Variants in PLAAT3 observed in about 807,000 individuals in gnomAD.
The protein encoded by PLAAT3 is phospholipase A and acyltransferase 3.
A neutral mutation model predicts 16.7 loss-of-function variants in PLAAT3; 21 were observed. The observed-to-expected ratio is 1.26, with a 90% CI of 0.89 to 1.81. PLAAT3 has a LOEUF of 1.81. PLAAT3 is among the 40% of genes most tolerant of loss of function. The pLI is 0.00. For missense variants in PLAAT3, 219 were observed against 213.7 expected, an observed-to-expected ratio of 1.02 and a Z score of -0.16; for synonymous variants, 76 against 81.7, an observed-to-expected ratio of 0.93 and a Z score of 0.38.
At chr11:63,583,104 T>C (rs1417291014) in intron 4 of PLAAT3, among the ~76,000 whole-genome samples, 1 of 152,064 alleles carries the variant, frequency 6.6e-6, no homozygotes, top group Non-Finnish European at 1.5e-5. Flanking sequence ...CACTCCAGCC[T>C]GGGTGACAGA....
chr11:63,608,770 G>T (rs1443991004), intron 2 of PLAAT3, among the ~76,000 whole-genome samples: 2 of 152,148 alleles, frequency 1.3e-5, no homozygotes, highest in Non-Finnish European at 2.9e-5. Context: ...AAATCAAGAT[G>T]AATTTAATTT....
chr11:63,592,573 A>T (rs1161860224), intron 3 of PLAAT3, among the ~76,000 whole-genome samples: 3 of 152,176 alleles, frequency 2.0e-5, no homozygotes, highest in African/African-American at 7.2e-5. Flanking sequence ...CAGCGACTGA[A>T]TTTTGGGATA....
chr11:63,576,920 C>T (rs1307093081), intron 4 of PLAAT3, among the ~76,000 whole-genome samples: 1 of 151,908 alleles, frequency 6.6e-6, no homozygotes, highest in Non-Finnish European at 1.5e-5. Flanking sequence ...TGTAATTTCT[C>T]TTGGAAAAAA....
chr11:63,615,248 G>T (rs58748864), upstream of PLAAT3, among the ~76,000 whole-genome samples: 494 of 26,704 alleles, frequency 0.018, 122 homozygotes, highest in African/African-American at 0.044. Flanking sequence ...GTGTATATAT[G>T]TGTGTGTATA....
intron 2 of PLAAT3, among the ~76,000 whole-genome samples, chr11:63,599,955 G>C (rs1380281307): frequency 6.6e-6 from 1 of 152,138 alleles, no homozygotes; most frequent in East Asian, 1.9e-4. Flanking sequence ...ACACCAATGA[G>C]AGGAGCCCTC....
In PLAAT3 at chr11:63,590,363, C is replaced by A; in HGVS notation, c.124G>T (p.Val42Phe). The A allele has an allele frequency of 1.9e-6, 3 of 1,613,862 alleles. No individual in the cohort carries two copies. Among genetic ancestry groups the A allele is most frequent in the Non-Finnish European group, 2.5e-6 (3 of 1,179,912 alleles). Reference protein sequence around the residue: ...YVVHLAPPSEVAGAGAASVMS... With the variant: ...YVVHLAPPSEFAGAGAASVMS... ...ACACTGGCTGCACCAGCTCCTGCGA[C>A]CTCACCTGCAGATCCACAAAGAGGA... The change falls in exon 4 of 5, where the codon GTC becomes TTC. Residue 42 changes from valine (V) to phenylalanine (F), a missense_variant. Val to Phe is a conservative substitution (Grantham distance 50). Coordinates refer to ENST00000415826, the MANE Select transcript of PLAAT3 (RefSeq NM_001128203.2).
At chr11:63,582,390 T>G (rs1256998629) in intron 4 of PLAAT3, among the ~76,000 whole-genome samples, 1 of 152,198 alleles carries the variant, frequency 6.6e-6, no homozygotes, top group Non-Finnish European at 1.5e-5. Flanking sequence ...GGGCCATCTC[T>G]GGGATAGACG....
chr11:63,611,865 G>A (rs889124093), intron 2 of PLAAT3, among the ~76,000 whole-genome samples: 7 of 152,224 alleles, frequency 4.6e-5, no homozygotes, highest in African/African-American at 9.6e-5. Flanking sequence ...TGGGCCGGGC[G>A]CGGTGGCTCA....
At chr11:63,612,552 G>T (rs923239198) in intron 2 of PLAAT3, among the ~76,000 whole-genome samples, 2 of 152,262 alleles carry the variant, frequency 1.3e-5, no homozygotes, top group Non-Finnish European at 2.9e-5. Flanking sequence ...AGCAAAGATG[G>T]ACTAGTAGAT....
chr11:63,586,287 T>A (rs1271836843), intron 4 of PLAAT3, among the ~76,000 whole-genome samples: 2 of 152,044 alleles, frequency 1.3e-5, no homozygotes, highest in African/African-American at 4.8e-5. Flanking sequence ...GTGCCCGCCA[T>A]CACACCCAGC....
chr11:63,588,714 A>G (rs1292244567), intron 4 of PLAAT3, among the ~76,000 whole-genome samples: 1 of 152,212 alleles, frequency 6.6e-6, no homozygotes, highest in Non-Finnish European at 1.5e-5. Flanking sequence ...TAACATTCAT[A>G]TATAAATAGT....
In PLAAT3 at chr11:63,590,080, G is replaced by T. The variant is rs762434831; in HGVS notation, c.387+20C>A. ...GAATGGTCTGGTTCCTGGGGAAGGC[G>T]ACACAGGCAGAGGACGCACCTGGTC... On this transcript the variant is annotated intron_variant, in intron 4 of 4. Coordinates refer to ENST00000415826, the MANE Select transcript of PLAAT3 (RefSeq NM_001128203.2). 3.1e-6 allele frequency: 5 copies of T among 1,606,910 alleles called. No homozygotes were observed.
intron 2 of PLAAT3, among the ~76,000 whole-genome samples, chr11:63,604,987 T>C: frequency 6.6e-6 from 1 of 152,180 alleles, no homozygotes; most frequent in South Asian, 2.1e-4. Context: ...GCGTGGTTTT[T>C]GTGATAATTT....
At chr11:63,588,135 T>C (rs1039964211) in intron 4 of PLAAT3, among the ~76,000 whole-genome samples, 1 of 151,780 alleles carries the variant, frequency 6.6e-6, no homozygotes. Context: ...AGTGGTGTGA[T>C]CTCGGCTCAC....
At chr11:63,612,165 T>A (rs553877746) in intron 2 of PLAAT3, among the ~76,000 whole-genome samples, 26 of 152,134 alleles carry the variant, frequency 1.7e-4, no homozygotes, top group African/African-American at 6.3e-4. Flanking sequence ...ATGAACTGTC[T>A]GGTGAAGATT....
chr11:63,601,651 G>T (rs1188170756), intron 2 of PLAAT3, among the ~76,000 whole-genome samples: 5 of 152,148 alleles, frequency 3.3e-5, no homozygotes, highest in Non-Finnish European at 7.4e-5. Flanking sequence ...AAATGGGGAT[G>T]AGCTCTGTAA....
At chr11:63,576,645 A>G (rs1275868016) in intron 4 of PLAAT3, among the ~76,000 whole-genome samples, 4 of 152,200 alleles carry the variant, frequency 2.6e-5, no homozygotes, top group Non-Finnish European at 5.9e-5. Context: ...ATAAATCATA[A>G]TTAAGTGATC....
chr11:63,607,754 G>A (rs1382180397), intron 2 of PLAAT3, among the ~76,000 whole-genome samples: 1 of 151,870 alleles, frequency 6.6e-6, no homozygotes, highest in East Asian at 1.9e-4. Flanking sequence ...GAGGCAAGCA[G>A]GAGATAAGGA....
intron 2 of PLAAT3, among the ~76,000 whole-genome samples, chr11:63,601,792 A>AAGACC (rs1938437782): frequency 1.3e-5 from 2 of 152,160 alleles, no homozygotes; most frequent in Non-Finnish European, 2.9e-5. Flanking sequence ...GCTGGCCAAC[A>AAGACC]TGGTGAAGCC....
Sources: gnomAD v4.1 joint callset for allele counts (sites outside exome capture counted in the v4.1 genomes callset) on GRCh38, gnomAD v4.1.1 for gene constraint, MANE v1.5 for transcripts, NCBI Gene and HGNC (gene_info 2026-07-23, HGNC 2026-07-21) for gene names.